CCDC60: variants seen among roughly 807,000 people sequenced by gnomAD.
CCDC60 encodes the protein coiled-coil domain-containing protein 60.
In CCDC60, 54 loss-of-function variants were observed where a neutral mutation model predicts 63.5. The ratio of observed to expected loss-of-function variants is 0.85; its 90% CI spans 0.68 to 1.07. CCDC60 has a LOEUF of 1.07. Ranked by LOEUF, CCDC60 falls within the 50% of genes least tolerant of loss-of-function variation. CCDC60 has a pLI of 0.00. For missense variants in CCDC60, 651 were observed against 684.3 expected (o/e 0.95, Z 0.54); for synonymous variants, 206 against 238.8 (o/e 0.86, Z 1.27).
chr12:119,390,098 T>A (rs547001687), intron 1 of CCDC60, among the ~76,000 whole-genome samples: 1 of 152,228 alleles, frequency 6.6e-6, no homozygotes, highest in Non-Finnish European at 1.5e-5. Flanking sequence ...CATCTCACTA[T>A]TACATGTAAT....
At chr12:119,442,663 C>A (rs1257252771) in intron 2 of CCDC60, among the ~76,000 whole-genome samples, 1 of 152,152 alleles carries the variant, frequency 6.6e-6, no homozygotes, top group Non-Finnish European at 1.5e-5. Context: ...TGAAAAAAGT[C>A]TTTACTATCC....
chr12:119,524,345 A>C, intron 11 of CCDC60: 1 of 553,676 alleles, frequency 1.8e-6, no homozygotes, highest in Middle Eastern at 9.2e-4. Flanking sequence ...AGCCACTGAA[A>C]GTTTTTCTTC....
At chr12:119,350,126 G>T (rs1955640141) in intron 1 of CCDC60, among the ~76,000 whole-genome samples, 1 of 152,080 alleles carries the variant, frequency 6.6e-6, no homozygotes, top group Non-Finnish European at 1.5e-5. Flanking sequence ...TGTGGGGTGT[G>T]CCCCTATCTT....
chr12:119,412,728 G>C (rs933226831), intron 1 of CCDC60, among the ~76,000 whole-genome samples: 1 of 151,814 alleles, frequency 6.6e-6, no homozygotes, highest in African/African-American at 2.4e-5. Context: ...GAGTGGCTGT[G>C]AATATTTAAT....
intron 1 of CCDC60, among the ~76,000 whole-genome samples, chr12:119,358,254 G>A (rs188597536): frequency 8.9e-4 from 136 of 152,260 alleles, no homozygotes; most frequent in Middle Eastern, 3.4e-3. Flanking sequence ...TCCTGTGGCT[G>A]GCTTATTTCA....
chr12:119,525,170 G>A (rs1004796540), intron 11 of CCDC60, among the ~76,000 whole-genome samples: 6 of 152,194 alleles, frequency 3.9e-5, no homozygotes, highest in Non-Finnish European at 8.8e-5. Context: ...CAATGGCTAA[G>A]TAGTAAAGCT....
intron 1 of CCDC60, among the ~76,000 whole-genome samples, chr12:119,358,288 C>T (rs1404447892): frequency 6.6e-6 from 1 of 152,102 alleles, no homozygotes; most frequent in Non-Finnish European, 1.5e-5. Context: ...CCTCTAGTTC[C>T]CTATAAGGTG....
intron 1 of CCDC60, among the ~76,000 whole-genome samples, chr12:119,391,721 T>G (rs1956162723): frequency 6.6e-6 from 1 of 152,264 alleles, no homozygotes; most frequent in African/African-American, 2.4e-5. Context: ...TTGGTACTCC[T>G]AGAGAAAGCT....
intron 2 of CCDC60, among the ~76,000 whole-genome samples, chr12:119,446,180 A>G (rs1451585599): frequency 1.3e-5 from 2 of 152,256 alleles, no homozygotes. Flanking sequence ...AAAAAAGCTT[A>G]CATAGGAGTC....
At chr12:119,395,037 A>AGAGAAGAGAGAAACAGCATT (rs760297438) in intron 1 of CCDC60, among the ~76,000 whole-genome samples, 7 of 152,218 alleles carry the variant, frequency 4.6e-5, no homozygotes, top group Non-Finnish European at 7.3e-5. Flanking sequence ...TTTCCAAGTG[A>AGAGAAGAGAGAAACAGCATT]GAGAAGAGAG....
intron 1 of CCDC60, among the ~76,000 whole-genome samples, chr12:119,341,045 A>G (rs907109436): frequency 3.3e-5 from 5 of 152,202 alleles, no homozygotes; most frequent in Non-Finnish European, 7.3e-5. Context: ...CTCCATTGCT[A>G]CTGCATGAGA....
intron 1 of CCDC60, among the ~76,000 whole-genome samples, chr12:119,370,604 A>T (rs1213436490): frequency 2.0e-5 from 3 of 152,202 alleles, no homozygotes; most frequent in African/African-American, 7.2e-5. Flanking sequence ...CTCCCTGCTC[A>T]TCTCAGGAAC....
intron 2 of CCDC60, among the ~76,000 whole-genome samples, chr12:119,439,053 G>C (rs2136253506): frequency 6.7e-6 from 1 of 148,944 alleles, no homozygotes; most frequent in South Asian, 2.1e-4. Flanking sequence ...GGCTTCCATG[G>C]TCCTGGACCA....
chr12:119,467,018 T>TAGAAA (rs1950965584), intron 2 of CCDC60, among the ~76,000 whole-genome samples: 1 of 152,178 alleles, frequency 6.6e-6, no homozygotes, highest in Admixed American at 6.5e-5. Flanking sequence ...AGTTACCACC[T>TAGAAA]TTTCCCTAGA....
intron 2 of CCDC60, among the ~76,000 whole-genome samples, chr12:119,465,771 T>G (rs1344690723): frequency 7.6e-6 from 1 of 131,698 alleles, no homozygotes; most frequent in East Asian, 2.3e-4. Context: ...AAAAAAAAAA[T>G]GTATAAAACA....
intron 2 of CCDC60, among the ~76,000 whole-genome samples, chr12:119,458,537 C>T (rs2136299076): frequency 6.6e-6 from 1 of 152,256 alleles, no homozygotes; most frequent in South Asian, 2.1e-4. Context: ...ATGAGTTTCA[C>T]TCACTGCCTC....
At chr12:119,506,200 A>G (rs1346645400) in intron 7 of CCDC60, among the ~76,000 whole-genome samples, 1 of 151,992 alleles carries the variant, frequency 6.6e-6, no homozygotes, top group African/African-American at 2.4e-5. Flanking sequence ...GTCTCTACTG[A>G]TTTGTCTTTT....
chr12:119,403,261 AG>A (rs1414895697), intron 1 of CCDC60, among the ~76,000 whole-genome samples: 1 of 152,164 alleles, frequency 6.6e-6, no homozygotes, highest in Non-Finnish European at 1.5e-5. Flanking sequence ...CCCTGCAGCC[AG>A]GGAGGTGGAA....
At chr12:119,401,472 G>A (rs914795823) in intron 1 of CCDC60, among the ~76,000 whole-genome samples, 6 of 152,210 alleles carry the variant, frequency 3.9e-5, no homozygotes, top group East Asian at 3.8e-4. Flanking sequence ...TCTTGGCCCC[G>A]AAGGAGCTCA....
Sources: gnomAD v4.1 joint callset for allele counts (sites outside exome capture counted in the v4.1 genomes callset) on GRCh38, gnomAD v4.1.1 for gene constraint, MANE v1.5 for transcripts, NCBI Gene and HGNC (gene_info 2026-07-23, HGNC 2026-07-21) for gene names.